Variants in GRIN2B observed in about 807,000 individuals in gnomAD.
GRIN2B encodes glutamate ionotropic receptor NMDA type subunit 2B.
Under a neutral mutation model 114.5 loss-of-function variants are expected in GRIN2B, and 5 were observed. That is an observed-to-expected ratio of 0.04 (90% confidence interval 0.02 to 0.09). The LOEUF (loss-of-function observed/expected upper bound fraction) is 0.09, where lower values mean the gene tolerates loss of function less well. Ranked by LOEUF, GRIN2B falls within the 10% of genes least tolerant of loss-of-function variation. GRIN2B has a pLI of 1.00. For missense variants in GRIN2B, 1,108 were observed against 1,943.5 expected (o/e 0.57, Z 8.08); for synonymous variants, 787 against 745.1 (o/e 1.06, Z -0.92).
chr12:13,900,737 T>A (rs1866434290), intron 2 of GRIN2B, among the ~76,000 whole-genome samples: 1 of 152,212 alleles, frequency 6.6e-6, no homozygotes, highest in Admixed American at 6.5e-5. Flanking sequence ...GTATGTTCAG[T>A]TGTTTGTTTT....
At chr12:13,759,791 C>A (rs1863644571) in intron 3 of GRIN2B, among the ~76,000 whole-genome samples, 1 of 152,096 alleles carries the variant, frequency 6.6e-6, no homozygotes, top group Non-Finnish European at 1.5e-5. Context: ...TACCCCAAGC[C>A]CTAAAAGACT....
chr12:13,944,328 G>A (rs1202979481), intron 2 of GRIN2B, among the ~76,000 whole-genome samples: 1 of 152,126 alleles, frequency 6.6e-6, no homozygotes, highest in Non-Finnish European at 1.5e-5. Context: ...CTTCACACAA[G>A]TCTAAATCAC....
intron 3 of GRIN2B, among the ~76,000 whole-genome samples, chr12:13,804,956 TG>T (rs1464155122): frequency 6.6e-6 from 1 of 152,206 alleles, no homozygotes; most frequent in Non-Finnish European, 1.5e-5. Flanking sequence ...ATGGATTTAC[TG>T]GTCATTAAGT....
At chr12:13,660,848 G>T (rs372500433) in intron 5 of GRIN2B, among the ~76,000 whole-genome samples, 1 of 152,032 alleles carries the variant, frequency 6.6e-6, no homozygotes, top group East Asian at 1.9e-4. Flanking sequence ...TCTTGAGTAC[G>T]GCTCTTCTGC....
At chr12:13,721,090 T>C (rs981042758) in intron 4 of GRIN2B, among the ~76,000 whole-genome samples, 1 of 151,940 alleles carries the variant, frequency 6.6e-6, no homozygotes, top group African/African-American at 2.4e-5. Context: ...TCTGAGCAAA[T>C]AGTAGTTAAA....
intron 3 of GRIN2B, among the ~76,000 whole-genome samples, chr12:13,813,698 C>T (rs141005796): frequency 6.6e-6 from 1 of 152,302 alleles, no homozygotes; most frequent in East Asian, 1.9e-4. Flanking sequence ...CTAAGCCTGC[C>T]TAATGTCAAA....
intron 5 of GRIN2B, among the ~76,000 whole-genome samples, chr12:13,623,330 G>A (rs1949535839): frequency 6.6e-6 from 1 of 152,126 alleles, no homozygotes; most frequent in Non-Finnish European, 1.5e-5. Context: ...AAATGAAAAG[G>A]CGGAACAAAA....
chr12:13,808,376 A>T (rs541830420), intron 3 of GRIN2B, among the ~76,000 whole-genome samples: 20 of 152,240 alleles, frequency 1.3e-4, no homozygotes, highest in African/African-American at 4.8e-4. Flanking sequence ...TCCAGAGGAA[A>T]CCCAGCACAG....
chr12:13,686,630 C>T (rs529756780), intron 4 of GRIN2B, among the ~76,000 whole-genome samples: 183 of 152,222 alleles, frequency 1.2e-3, no homozygotes, highest in African/African-American at 4.1e-3. Flanking sequence ...TTTTCTATCT[C>T]TTCTTACTGG....
intron 4 of GRIN2B, among the ~76,000 whole-genome samples, chr12:13,746,530 C>G (rs1322763749): frequency 1.3e-5 from 2 of 152,182 alleles, no homozygotes; most frequent in Non-Finnish European, 2.9e-5. Flanking sequence ...ATTCTCCACC[C>G]CACTCACTGT....
At chr12:13,821,743 G>T (rs1292858231) in intron 3 of GRIN2B, among the ~76,000 whole-genome samples, 1 of 152,186 alleles carries the variant, frequency 6.6e-6, no homozygotes, top group Non-Finnish European at 1.5e-5. Context: ...ACAAAGATAT[G>T]TCCACTATTC....
intron 2 of GRIN2B, among the ~76,000 whole-genome samples, chr12:13,926,039 T>C (rs1446293149): frequency 6.6e-6 from 1 of 152,084 alleles, no homozygotes. Flanking sequence ...GGCAAGAATA[T>C]GCCAGATCTG....
intron 4 of GRIN2B, among the ~76,000 whole-genome samples, chr12:13,744,347 TCTTCA>T (rs1863336369): frequency 6.6e-6 from 1 of 152,220 alleles, no homozygotes; most frequent in Non-Finnish European, 1.5e-5. Context: ...CTTAATTCTC[TCTTCA>T]CTTGACAAAT....
chr12:13,717,886 C>A (rs1003091226), intron 4 of GRIN2B, among the ~76,000 whole-genome samples: 1 of 152,012 alleles, frequency 6.6e-6, no homozygotes, highest in East Asian at 1.9e-4. Flanking sequence ...ACCCTTAGAA[C>A]AAGAAAAGGA....
intron 3 of GRIN2B, among the ~76,000 whole-genome samples, chr12:13,797,100 C>A (rs564256427): frequency 1.3e-5 from 2 of 152,256 alleles, no homozygotes; most frequent in East Asian, 3.9e-4. Context: ...GGGTAACTTA[C>A]AAGGAACAGA....
intron 10 of GRIN2B, among the ~76,000 whole-genome samples, chr12:13,590,118 A>C (rs1015355257): frequency 2.6e-5 from 4 of 152,140 alleles, no homozygotes; most frequent in Admixed American, 6.5e-5. Context: ...TTGAAGTAGA[A>C]TAAATTAGGT....
At chr12:13,658,669 C>A (rs948572873) in intron 5 of GRIN2B, among the ~76,000 whole-genome samples, 1 of 152,020 alleles carries the variant, frequency 6.6e-6, no homozygotes, top group African/African-American at 2.4e-5. Context: ...TCCATCTATT[C>A]CTTAAATTGT....
intron 3 of GRIN2B, among the ~76,000 whole-genome samples, chr12:13,806,667 T>C (rs1394756341): frequency 6.6e-6 from 1 of 152,116 alleles, no homozygotes; most frequent in Non-Finnish European, 1.5e-5. Flanking sequence ...ATTCTGTAGG[T>C]TTGTCTCTTC....
rs201670483 is a variant in GRIN2B at position 13,563,257 on chromosome 12, C to T, written c.3981G>A (p.Lys1327=). ...AGGGGCTCCCATCCATGAATCGGCC[C>T]TTGTCTTTCAGGCTTACGCTGCGCG... The part of the protein sequence containing the change: ...LAPRSVSLKD[K]GRFMDGSPYA... Residue 1327 remains lysine, a synonymous_variant, in exon 14 of 14, where the codon AAG becomes AAA. Transcript: ENST00000609686. 7.1e-5 allele frequency: 115 copies of T among 1,614,104 alleles called. No individual in the cohort carries two copies. The South Asian group carries it at 9.1e-4, about 13-fold the overall frequency.
Sources: gnomAD v4.1 joint callset for allele counts (sites outside exome capture counted in the v4.1 genomes callset) on GRCh38, gnomAD v4.1.1 for gene constraint, MANE v1.5 for transcripts, NCBI Gene and HGNC (gene_info 2026-07-23, HGNC 2026-07-21) for gene names.